Variants in RELL1 observed in about 807,000 individuals in gnomAD.
RELL1 encodes RELT like 1, also known as RELT-like protein 1.
Under a neutral mutation model 23.0 loss-of-function variants are expected in RELL1, and 10 were observed. The ratio of observed to expected loss-of-function variants is 0.43; its 90% confidence interval spans 0.27 to 0.74. RELL1 has a LOEUF of 0.74. RELL1 is among the 30% of genes least tolerant of loss of function. RELL1 has a pLI of 0.19. For missense variants in RELL1, 315 were observed against 364.4 expected, an observed-to-expected ratio of 0.86 and a Z score of 1.10; for synonymous variants, 146 against 146.8, an observed-to-expected ratio of 0.99 and a Z score of 0.04.
At chr4:37,610,063 A>G (rs1719327948), downstream of RELL1, among the ~76,000 whole-genome samples, 1 of 152,200 alleles carries the variant, frequency 6.6e-6, no homozygotes, top group Non-Finnish European at 1.5e-5. The surrounding 1 kb of genome is among the most constrained non-coding windows in gnomAD (Gnocchi z 4.1). Flanking sequence ...GAAAACTTTC[A>G]TGAAAGGTGA....
chr4:37,677,032 C>A (rs1321840949), intron 1 of RELL1, among the ~76,000 whole-genome samples: 1 of 152,194 alleles, frequency 6.6e-6, no homozygotes, highest in Non-Finnish European at 1.5e-5. Context: ...GTTTCCCCAT[C>A]TGCAAAGAGA....
At position 37,611,983 on chromosome 4, in the gene RELL1, C is replaced by T. The variant is rs1409220022; in HGVS notation, c.*1363G>A. On this transcript the variant is annotated 3_prime_UTR_variant, in exon 7 of 7. Coordinates refer to ENST00000454158, the MANE Select transcript of RELL1 (RefSeq NM_001085400.2). ...GAGGTCAGGAGATCGAGACCATCTT[C>T]GCTAATGCGGTGAAACCCCGTCTCT... 3.3e-5 allele frequency among the ~76,000 whole-genome samples: 5 copies of T among 151,218 alleles called. No individual in the cohort carries two copies. The highest frequency in any genetic ancestry group is 2.0e-4 in the Admixed American group (3 of 15,176).
intron 6 of RELL1, among the ~76,000 whole-genome samples, chr4:37,627,200 G>T (rs1719982840): frequency 6.6e-6 from 1 of 152,138 alleles, no homozygotes; most frequent in Non-Finnish European, 1.5e-5. Flanking sequence ...TTAAAGTATG[G>T]TTATGTAAAC....
At chr4:37,671,708 A>C (rs1721838914) in intron 1 of RELL1, among the ~76,000 whole-genome samples, 1 of 151,964 alleles carries the variant, frequency 6.6e-6, no homozygotes, top group Admixed American at 6.5e-5. Context: ...AAAAATAGCC[A>C]ACCAGCAGCC....
intron 1 of RELL1, among the ~76,000 whole-genome samples, chr4:37,678,874 T>C (rs1250725570): frequency 6.6e-6 from 1 of 152,210 alleles, no homozygotes; most frequent in Non-Finnish European, 1.5e-5. Flanking sequence ...GTGGCTGGAA[T>C]GCAGTTATCC....
At chr4:37,624,163 C>T (rs1405550742) in intron 6 of RELL1, among the ~76,000 whole-genome samples, 3 of 152,126 alleles carry the variant, frequency 2.0e-5, no homozygotes, top group Non-Finnish European at 4.4e-5. Flanking sequence ...GAAGAGCCAC[C>T]TTGTGACCAG....
At chr4:37,650,769 T>C (rs964995136) in intron 1 of RELL1, among the ~76,000 whole-genome samples, 3 of 129,610 alleles carry the variant, frequency 2.3e-5, no homozygotes, top group African/African-American at 8.9e-5. Flanking sequence ...AATTATACAA[T>C]GTGGCCAACT....
At chr4:37,605,691 G>A (rs1381807994), downstream of RELL1, among the ~76,000 whole-genome samples, 1 of 151,156 alleles carries the variant, frequency 6.6e-6, no homozygotes, top group Admixed American at 6.6e-5. Context: ...GCAGCGAGTC[G>A]AGATTGTACC....
At chr4:37,593,346 T>C (rs56675397) in intron 6 of RELL1, among the ~76,000 whole-genome samples, 1,598 of 151,304 alleles carry the variant, frequency 0.011, 24 homozygotes, top group African/African-American at 0.037. Flanking sequence ...ATGACCCACA[T>C]ATCAATGACC....
At chr4:37,672,542 G>A (rs368836082) in intron 1 of RELL1, among the ~76,000 whole-genome samples, 42 of 152,072 alleles carry the variant, frequency 2.8e-4, no homozygotes, top group African/African-American at 8.4e-4. Context: ...GGTTTGTGGC[G>A]GCAACAGATC....
downstream of RELL1, among the ~76,000 whole-genome samples, chr4:37,586,794 C>T (rs898718485): frequency 6.6e-6 from 1 of 152,138 alleles, no homozygotes; most frequent in East Asian, 1.9e-4. Flanking sequence ...CCTGTAATCC[C>T]AGCTACTGGG....
At chr4:37,626,128 G>T (rs1719935856) in intron 6 of RELL1, among the ~76,000 whole-genome samples, 1 of 152,182 alleles carries the variant, frequency 6.6e-6, no homozygotes, top group African/African-American at 2.4e-5. Flanking sequence ...CATACTGTTA[G>T]TGGGAATATA....
intron 6 of RELL1, among the ~76,000 whole-genome samples, chr4:37,625,050 G>A (rs537424819): frequency 6.6e-6 from 1 of 152,122 alleles, no homozygotes; most frequent in Non-Finnish European, 1.5e-5. Context: ...TGAAATAACC[G>A]GGGCTTGAAA....
chr4:37,647,475 A>G, intron 2 of RELL1, 36 bp from the exon 3 acceptor site: 1 of 1,420,324 alleles, frequency 7.0e-7, no homozygotes, highest in Non-Finnish European at 1.0e-6. Flanking sequence ...ACAGGTTACA[A>G]TTGGTCACCA....
At chr4:37,597,298 T>C (rs1419272146) in intron 6 of RELL1, among the ~76,000 whole-genome samples, 3 of 152,134 alleles carry the variant, frequency 2.0e-5, no homozygotes, top group South Asian at 4.1e-4. Flanking sequence ...ATTTTACTTA[T>C]CTCCCTAATC....
intron 1 of RELL1, among the ~76,000 whole-genome samples, chr4:37,669,168 T>C (rs1418611374): frequency 3.1e-5 from 2 of 64,208 alleles, no homozygotes; most frequent in Non-Finnish European, 5.9e-5. Flanking sequence ...AGCCGCCCCG[T>C]CCGGGAGGGA....
At chr4:37,654,715 T>C (rs1189988649) in intron 1 of RELL1, among the ~76,000 whole-genome samples, 2 of 152,168 alleles carry the variant, frequency 1.3e-5, no homozygotes, top group African/African-American at 2.4e-5. Context: ...TAAAAACATA[T>C]CTAAATCATG....
At chr4:37,620,314 T>C (rs1470098179) in intron 6 of RELL1, among the ~76,000 whole-genome samples, 1 of 152,224 alleles carries the variant, frequency 6.6e-6, no homozygotes, top group African/African-American at 2.4e-5. Context: ...TGTTCTTTAC[T>C]GGGTTATATT....
intron 1 of RELL1, chr4:37,665,354 C>G (rs6855306): frequency 0.089 from 39,994 of 451,608 alleles, 3,551 homozygotes; most frequent in African/African-American, 0.28. Context: ...CTGGGTTCAT[C>G]GAAATCAACA....
Sources: allele counts gnomAD v4.1 joint callset (sites outside exome capture counted in the v4.1 genomes callset), GRCh38; gene constraint gnomAD v4.1.1; non-coding constraint Gnocchi (gnomAD v3.1); transcripts MANE v1.5; gene names NCBI Gene and HGNC (gene_info 2026-07-23, HGNC 2026-07-21).